The following NEB variants were observed in gnomAD, a reference collection of about 807,000 sequenced individuals.
NEB encodes the protein nebulin.
A neutral mutation model predicts 952.2 loss-of-function variants in NEB; 512 were observed. That is an observed-to-expected ratio of 0.54 (90% confidence interval 0.50 to 0.58). NEB has a LOEUF of 0.58. Ranked by LOEUF, NEB falls within the 20% of genes least tolerant of loss-of-function variation. The probability of loss-of-function intolerance (pLI) is 0.00; values close to 1 mark genes in which losing one functional copy is unlikely to be tolerated. For synonymous variants in NEB, 2,900 were observed against 3,149.8 expected, an observed-to-expected ratio of 0.92 and a Z score of 2.66; for missense variants, 8,428 against 9,231.1, an observed-to-expected ratio of 0.91 and a Z score of 3.56.
At chr2:151,631,564 G>A (rs146616669) in intron 65 of NEB, among the ~76,000 whole-genome samples, 11 of 152,246 alleles carry the variant, frequency 7.2e-5, no homozygotes, top group African/African-American at 2.4e-4. Flanking sequence ...ATTAGGAGAG[G>A]AGTGATCCCA....
intron 8 of NEB, among the ~76,000 whole-genome samples, chr2:151,723,750 G>GTTTTTTTTTTTTT (rs11308757): frequency 1.2e-4 from 6 of 51,364 alleles, no homozygotes; most frequent in Admixed American, 2.5e-4. Flanking sequence ...TGCCTTCTTT[G>GTTTTTTTTTTTTT]TTTTTTTTTT....
intron 131 of NEB, 118 bp from the exon 132 acceptor site, chr2:151,547,856 G>C (rs962709273): frequency 5.8e-6 from 4 of 690,986 alleles, no homozygotes; most frequent in Non-Finnish European, 4.9e-6. Flanking sequence ...CGAGGATATA[G>C]AAAATGATTG....
chr2:151,727,565 G>T, intron 5 of NEB, 126 bp downstream of exon 5: 1 of 839,710 alleles, frequency 1.2e-6, no homozygotes, highest in Non-Finnish European at 1.8e-6. Flanking sequence ...CCTATAATTT[G>T]CAAAATAAGT....
chr2:151,494,653 GT>G (rs1221846308), intron 173 of NEB, among the ~76,000 whole-genome samples: 1 of 151,706 alleles, frequency 6.6e-6, no homozygotes, highest in African/African-American at 2.4e-5. Flanking sequence ...GTTTTGTTTT[GT>G]TTTGTTTTTG....
In NEB at chr2:151,499,226, T is replaced by G. The variant is rs2062601085; in HGVS notation, c.24114+72A>C. The stretch of plus-strand genomic sequence containing the variant: ...TTTTATTGGGATGAGTTGATTAGAT[T>G]TTTAAAATCTAGCCATTAATCTTTT... On this transcript the variant is annotated intron_variant, in intron 169 of 181. Transcript: ENST00000397345. 8 of 822,286 alleles carry G rather than the reference T, an allele frequency of 9.7e-6. No individual in the cohort carries two copies. In the Admixed American group the frequency reaches 1.7e-4, roughly 17 times the overall value. 50.9% of individuals were successfully genotyped at this position (822,286 alleles called of 1,614,324 possible). A position where few individuals can be genotyped will look rare whatever the true frequency, so the allele number is the denominator to read the frequency against.
chr2:151,504,874 G>A (rs1006398792), intron 165 of NEB, among the ~76,000 whole-genome samples: 1 of 152,074 alleles, frequency 6.6e-6, no homozygotes, highest in Admixed American at 6.5e-5. Context: ...GACAGAACAG[G>A]CTTAATGTAT....
chr2:151,605,576 C>G (rs2097670515), intron 84 of NEB, among the ~76,000 whole-genome samples: 1 of 126,938 alleles, frequency 7.9e-6, no homozygotes, highest in Non-Finnish European at 1.8e-5. Context: ...TGTTTCTTTC[C>G]TATGTTTGGA....
In NEB at chr2:151,650,873, G is replaced by C. The variant is rs2099021594; in HGVS notation, c.6928C>G (p.Gln2310Glu). ...RDIASDYKYKQGYRKQLGHHV... is the reference protein window; with the variant it reads ...RDIASDYKYKEGYRKQLGHHV... The stretch of plus-strand genomic sequence containing the variant: ...TGGCCAAGTTGCTTTCGGTAGCCTT[G>C]TTTGTATTTATACTGAAATCAGAGA... Residue 2310 changes from glutamine (Q) to glutamate (E), a missense_variant, in exon 53 of 182, where the codon CAA becomes GAA. Physicochemically the swap from Gln to Glu is conservative, Grantham distance 29. Transcript: ENST00000397345. 1 of 1,610,918 alleles carries C rather than the reference G, an allele frequency of 6.2e-7. No homozygotes were observed. Among genetic ancestry groups the C allele is most frequent in the African/African-American group, 1.3e-5 (1 of 74,772 alleles).
chr2:151,528,873 A>G (rs868209920), intron 146 of NEB, among the ~76,000 whole-genome samples: 33 of 152,220 alleles, frequency 2.2e-4, no homozygotes, highest in African/African-American at 6.5e-4. Flanking sequence ...GGAGGAGAGC[A>G]CAGGGAAAGA....
intron 77 of NEB, among the ~76,000 whole-genome samples, chr2:151,612,712 C>T (rs2098034650): frequency 6.6e-6 from 1 of 152,220 alleles, no homozygotes; most frequent in African/African-American, 2.4e-5. Context: ...CCTACCTCCT[C>T]TTATGGAAAC....
chr2:151,570,497 G>T lies in NEB; in HGVS notation c.17118C>A (p.Asp5706Glu), dbSNP rs769476760. ...AAKASREIASDYKYKLDHEKQ... is the reference protein window; with the variant it reads ...AAKASREIASEYKYKLDHEKQ... ...TGAGAAGTTAAAAAAGGCCACTCAC[G>T]TCACTGGCAATCTCCCTGGAGGCCT... The change falls in exon 108 of 182, where the codon GAC becomes GAA. Residue 5706 changes from aspartate (D) to glutamate (E), a missense_variant and splice_region_variant. By Grantham distance (45) the Asp-to-Glu change is conservative. Coordinates refer to ENST00000397345, the MANE Select transcript of NEB (RefSeq NM_001164508.2). The T allele has an allele frequency of 1.9e-6, 3 of 1,604,970 alleles. No individual in the cohort carries two copies. Among genetic ancestry groups the T allele is most frequent in the Non-Finnish European group, 2.5e-6 (3 of 1,176,990 alleles).
intron 129 of NEB, among the ~76,000 whole-genome samples, chr2:151,551,262 C>G (rs1239114750): frequency 6.6e-6 from 1 of 152,154 alleles, no homozygotes; most frequent in Non-Finnish European, 1.5e-5. Context: ...AACCACCGCA[C>G]CTGGCCAAAA....
chr2:151,733,866 C>G (rs191626993), intron 1 of NEB, 71 bp from the exon 2 acceptor site: 13 of 152,324 alleles, frequency 8.5e-5, no homozygotes, highest in Admixed American at 8.5e-4. Context: ...GCCTAAGCTT[C>G]TAATGCAGAA....
chr2:151,693,917 A>G (rs566784626), intron 20 of NEB, among the ~76,000 whole-genome samples: 1 of 152,190 alleles, frequency 6.6e-6, no homozygotes, highest in South Asian at 2.1e-4. Context: ...CCCTTACATT[A>G]ATTTCTTTAC....
rs776691267 is a variant in NEB at position 151,697,657 on chromosome 2, GA to G, written c.1153-10del. On this transcript the variant is annotated splice_polypyrimidine_tract_variant and intron_variant, in intron 13 of 181. Transcript: ENST00000397345. ...TTTTCCTTGTATAGTTTCTGTCAAA[GA>G]AAAAAAATTCAGTTAAAGTAGATTC... 18 of 1,580,504 alleles carry G rather than the reference GA, an allele frequency of 1.1e-5. No individual in the cohort carries two copies. The highest frequency in any genetic ancestry group is 3.5e-5 in the South Asian group (3 of 86,170).
rs794727042 is a variant in NEB at position 151,531,058 on chromosome 2, T to A, written c.21566A>T (p.Tyr7189Phe). The A allele has an allele frequency of 2.2e-5, 35 of 1,613,506 alleles. No homozygotes were observed. The highest frequency in any genetic ancestry group is 2.9e-5 in the Non-Finnish European group (34 of 1,179,712). Residue 7189 changes from tyrosine (Y) to phenylalanine (F), a missense_variant, in exon 145 of 182, where the codon TAC (tyrosine) becomes TTC (phenylalanine). Physicochemically the swap from Tyr to Phe is conservative, Grantham distance 22. Coordinates refer to ENST00000397345, the MANE Select transcript of NEB (RefSeq NM_001164508.2). ...CATGGGTGTGTCGTGGATTGTGGTG[T>A]AGCCTCTGGGTTTGGCCTTGTTGTA... Reference protein sequence around the residue: ...LEYNKAKPRGYTTIHDTPMLL... With the variant: ...LEYNKAKPRGFTTIHDTPMLL...
chr2:151,671,771 A>G (rs1033205243), intron 37 of NEB, among the ~76,000 whole-genome samples: 1 of 152,200 alleles, frequency 6.6e-6, no homozygotes, highest in African/African-American at 2.4e-5. Flanking sequence ...CAATATTTTT[A>G]TCGAGTGCCA....
In NEB at chr2:151,694,591, T is replaced by C. The variant is rs753119399; in HGVS notation, c.1713A>G (p.Lys571=). 18 of 1,602,684 alleles carry C rather than the reference T, an allele frequency of 1.1e-5. No individual in the cohort carries two copies. Among genetic ancestry groups the C allele is most frequent in the Admixed American group, 6.9e-5 (4 of 57,806 alleles). The change falls in exon 19 of 182, where the codon AAA becomes AAG. Residue 571 remains lysine (K), a synonymous_variant. Transcript: ENST00000397345. ...TGGCATCCACTTTAATGTCAAACTT[T>C]TTGGCTTTGCTCTTCTCCCAGTCTT... ...YKQDWEKSKA[K]KFDIKVDAIP...
chr2:151,635,037 A>G (rs1186176524), intron 64 of NEB, among the ~76,000 whole-genome samples: 4 of 152,156 alleles, frequency 2.6e-5, no homozygotes, highest in Non-Finnish European at 5.9e-5. Context: ...AAGGAATGAG[A>G]TTGTTCAGAG....
Sources: allele counts gnomAD v4.1 joint callset (sites outside exome capture counted in the v4.1 genomes callset), GRCh38; gene constraint gnomAD v4.1.1; transcripts MANE v1.5; gene names NCBI Gene and HGNC (gene_info 2026-07-23, HGNC 2026-07-21).